WASF1: variants seen among roughly 807,000 people sequenced by gnomAD.
WASF1 encodes WASP family member 1.
WASF1 carries 7 observed loss-of-function variants against 50.5 expected under a neutral mutation model. The ratio of observed to expected loss-of-function variants is 0.14; its 90% CI spans 0.08 to 0.26. The LOEUF is 0.26. Ranked by LOEUF, WASF1 falls within the 10% of genes least tolerant of loss-of-function variation. WASF1 has a pLI of 1.00. For synonymous variants in WASF1, 205 were observed against 244.0 expected, an observed-to-expected ratio of 0.84 and a Z score of 1.49; for missense variants, 470 against 694.7, an observed-to-expected ratio of 0.68 and a Z score of 3.64.
intron 3 of WASF1, among the ~76,000 whole-genome samples, chr6:110,127,984 T>C (rs1156734408): frequency 1.3e-5 from 2 of 152,212 alleles, no homozygotes; most frequent in Non-Finnish European, 2.9e-5. Context: ...CAAAATATGT[T>C]AAACAACACT....
intron 8 of WASF1, among the ~76,000 whole-genome samples, chr6:110,103,780 A>G (rs928266801): frequency 6.6e-6 from 1 of 152,200 alleles, no homozygotes; most frequent in Non-Finnish European, 1.5e-5. Context: ...TATGATGACC[A>G]TCGGTTATTT....
intron 7 of WASF1, among the ~76,000 whole-genome samples, chr6:110,106,503 C>G (rs1298045164): frequency 6.6e-6 from 1 of 152,172 alleles, no homozygotes; most frequent in Non-Finnish European, 1.5e-5. Context: ...TTGCTTCATC[C>G]TTCTGTGTTT....
At chr6:110,124,264 CTCTCTCTCTCTATATATATATATA>C (rs1774306526) in intron 4 of WASF1, among the ~76,000 whole-genome samples, 5 of 62,834 alleles carry the variant, frequency 8.0e-5, no homozygotes, top group African/African-American at 4.1e-4. Context: ...CTCTCTCTCT[CTCTCTCTCTCTATATATATATATA>C]TATATATATA....
chr6:110,103,606 G>A lies in WASF1; in HGVS notation c.714-49C>T, dbSNP rs777338199. 4 of 1,493,998 alleles carry A rather than the reference G, an allele frequency of 2.7e-6. No individual in the cohort carries two copies. The African/African-American group carries it at 4.2e-5, about 16-fold the overall frequency. 92.5% of individuals were successfully genotyped at this position (1,493,998 alleles called of 1,614,324 possible). A position where few individuals can be genotyped will look rare whatever the true frequency, so the allele number is the denominator to read the frequency against. The stretch of plus-strand genomic sequence containing the variant: ...TGAATTATTCTTGAATTATTGGGAG[G>A]AAAGGGTTCTACATGAGATATTAAA... On this transcript the variant is annotated intron_variant, in intron 8 of 10. Coordinates refer to ENST00000392589, the MANE Select transcript of WASF1 (RefSeq NM_003931.3).
intron 3 of WASF1, among the ~76,000 whole-genome samples, chr6:110,135,107 GTATTT>G (rs1179911276): frequency 4.6e-5 from 7 of 152,234 alleles, no homozygotes; most frequent in East Asian, 1.9e-4. Flanking sequence ...ATATTTCTAA[GTATTT>G]TATTTTATTT....
intron 3 of WASF1, among the ~76,000 whole-genome samples, chr6:110,147,215 G>A (rs944303048): frequency 4.0e-5 from 6 of 151,702 alleles, no homozygotes; most frequent in South Asian, 2.1e-4. Flanking sequence ...GCGTGGTGGC[G>A]GGCGCCTGTA....
intron 3 of WASF1, among the ~76,000 whole-genome samples, chr6:110,151,154 C>CACAT (rs1417410672): frequency 2.0e-5 from 3 of 152,134 alleles, no homozygotes; most frequent in South Asian, 2.1e-4. Context: ...GGTATATATA[C>CACAT]ACATACATAC....
chr6:110,114,372 G>T (rs766621353), intron 4 of WASF1, among the ~76,000 whole-genome samples: 26 of 152,092 alleles, frequency 1.7e-4, no homozygotes, highest in Admixed American at 8.5e-4. Context: ...AGCTGTGGTT[G>T]CTTAGCATTT....
chr6:110,106,530 T>C (rs995146680), intron 7 of WASF1, among the ~76,000 whole-genome samples: 5 of 152,190 alleles, frequency 3.3e-5, no homozygotes, highest in Non-Finnish European at 5.9e-5. Context: ...ATCATTAACA[T>C]GAAATATAAA....
At chr6:110,125,713 CTT>C (rs1232022106) in intron 4 of WASF1, among the ~76,000 whole-genome samples, 1 of 152,140 alleles carries the variant, frequency 6.6e-6, no homozygotes, top group East Asian at 1.9e-4. Flanking sequence ...TGGGTTTTCT[CTT>C]TGTTTTTGAA....
intron 4 of WASF1, among the ~76,000 whole-genome samples, chr6:110,119,304 A>AAG: frequency 6.6e-6 from 1 of 152,220 alleles, no homozygotes; most frequent in East Asian, 1.9e-4. Context: ...AAGACTAATA[A>AAG]ACAAGAAAAG....
At chr6:110,147,385 T>C (rs1238531875) in intron 3 of WASF1, among the ~76,000 whole-genome samples, 4 of 150,048 alleles carry the variant, frequency 2.7e-5, no homozygotes, top group African/African-American at 4.9e-5. Flanking sequence ...GAAGTCACAA[T>C]AGCAAAGCAT....
intron 2 of WASF1, among the ~76,000 whole-genome samples, chr6:110,167,986 C>T (rs547845283): frequency 2.0e-5 from 3 of 152,112 alleles, no homozygotes; most frequent in Admixed American, 6.6e-5. Flanking sequence ...ATTTTGTCTA[C>T]GGTCCTAGTT....
intron 3 of WASF1, among the ~76,000 whole-genome samples, chr6:110,129,390 G>A (rs191296469): frequency 1.6e-4 from 24 of 152,278 alleles, no homozygotes; most frequent in Non-Finnish European, 2.1e-4. Context: ...AGCTGACTGT[G>A]GAAATGTTGC....
intron 3 of WASF1, among the ~76,000 whole-genome samples, chr6:110,148,607 G>A (rs1231656421): frequency 1.3e-5 from 2 of 152,146 alleles, no homozygotes; most frequent in Non-Finnish European, 2.9e-5. Flanking sequence ...TAGGGGGTCA[G>A]ATTAGGTAGG....
intron 5 of WASF1, among the ~76,000 whole-genome samples, chr6:110,112,761 G>C (rs891397524): frequency 6.6e-6 from 1 of 151,788 alleles, no homozygotes; most frequent in African/African-American, 2.4e-5. Context: ...TTAGCCAGGC[G>C]TGGTGGCAGA....
intron 4 of WASF1, among the ~76,000 whole-genome samples, chr6:110,125,360 C>T (rs1774372440): frequency 6.6e-6 from 1 of 152,162 alleles, no homozygotes; most frequent in African/African-American, 2.4e-5. Flanking sequence ...CCTTACATCA[C>T]TTTGTCCTTT....
chr6:110,168,438 G>A (rs1244098935), intron 2 of WASF1, among the ~76,000 whole-genome samples: 2 of 152,014 alleles, frequency 1.3e-5, no homozygotes, highest in African/African-American at 4.8e-5. Flanking sequence ...TAACACTACT[G>A]TATATGAGGC....
chr6:110,147,414 T>C (rs969114670), intron 3 of WASF1, among the ~76,000 whole-genome samples: 1 of 151,082 alleles, frequency 6.6e-6, no homozygotes, highest in South Asian at 2.1e-4. Context: ...GATAGGCTAC[T>C]AAAGTCGAAA....
Sources: gnomAD v4.1 joint callset for allele counts (sites outside exome capture counted in the v4.1 genomes callset) on GRCh38, gnomAD v4.1.1 for gene constraint, MANE v1.5 for transcripts, NCBI Gene and HGNC (gene_info 2026-07-23, HGNC 2026-07-21) for gene names.